The following SLC4A1AP variants were observed in gnomAD, a reference collection of about 807,000 sequenced individuals.
SLC4A1AP encodes the protein solute carrier family 4 member 1 adaptor protein.
SLC4A1AP carries 64 observed loss-of-function variants against 89.7 expected under a neutral mutation model. The observed-to-expected ratio is 0.71, with a 90% CI of 0.58 to 0.88. The LOEUF is 0.88. Among genes scored for constraint, SLC4A1AP ranks in the 40% least tolerant of loss-of-function variants. The pLI is 0.00. For missense variants in SLC4A1AP, 931 were observed against 965.0 expected, an observed-to-expected ratio of 0.96 and a Z score of 0.47; for synonymous variants, 366 against 353.3, an observed-to-expected ratio of 1.04 and a Z score of -0.40.
At chr2:27,675,260 C>T (rs1305188068) in intron 5 of SLC4A1AP, among the ~76,000 whole-genome samples, 1 of 152,202 alleles carries the variant, frequency 6.6e-6, no homozygotes, top group Non-Finnish European at 1.5e-5. Context: ...TTCCCAGCCT[C>T]TGGCAACCAC....
intron 10 of SLC4A1AP, among the ~76,000 whole-genome samples, chr2:27,686,291 C>T (rs953672309): frequency 1.3e-5 from 2 of 152,152 alleles, no homozygotes; most frequent in Non-Finnish European, 1.5e-5. Context: ...CTGCATTTGT[C>T]CTTTTCAAAA....
At chr2:27,666,071 A>G (rs2148129911) in intron 2 of SLC4A1AP, among the ~76,000 whole-genome samples, 1 of 152,310 alleles carries the variant, frequency 6.6e-6, no homozygotes, top group East Asian at 1.9e-4. Flanking sequence ...CAAAATACAC[A>G]CTGAATTTCA....
exon 2 of SLC4A1AP, chr2:27,665,154 G>A: frequency 6.2e-7 from 1 of 1,613,896 alleles, no homozygotes; most frequent in Non-Finnish European, 8.5e-7. Flanking sequence ...ACAGTTGAAG[G>A]AATTGCGCAA....
intron 3 of SLC4A1AP, chr2:27,668,489 G>T: frequency 4.8e-6 from 2 of 415,036 alleles, no homozygotes; most frequent in South Asian, 1.9e-5. Context: ...TCACTCTGTC[G>T]CCCAGGCCGG....
chr2:27,691,765 C>G (rs1016499204), intron 12 of SLC4A1AP: 2 of 151,822 alleles, frequency 1.3e-5, no homozygotes, highest in African/African-American at 4.8e-5. Flanking sequence ...AATTTTTGTA[C>G]TTTTGTTAGA....
At chr2:27,679,876 G>T (rs1572993692) in intron 8 of SLC4A1AP, among the ~76,000 whole-genome samples, 1 of 152,312 alleles carries the variant, frequency 6.6e-6, no homozygotes, top group African/African-American at 2.4e-5. Flanking sequence ...GATTTATTAA[G>T]AGAGTGCTCT....
At chr2:27,669,712 A>G (rs868531949) in intron 5 of SLC4A1AP, among the ~76,000 whole-genome samples, 2 of 152,108 alleles carry the variant, frequency 1.3e-5, no homozygotes, top group African/African-American at 4.8e-5. Context: ...TATTTTTGAG[A>G]TGGAGTCTCA....
chr2:27,677,455 C>A, intron 7 of SLC4A1AP, 91 bp downstream of exon 7: 1 of 866,904 alleles, frequency 1.2e-6, no homozygotes. Flanking sequence ...AAATACCATA[C>A]AGAATATGGA....
chr2:27,694,672 T>A, exon 14 of SLC4A1AP: 1 of 1,581,772 alleles, frequency 6.3e-7, no homozygotes, highest in Non-Finnish European at 8.6e-7. Flanking sequence ...TAATGACAAG[T>A]ATGGCTATTG....
chr2:27,663,945 C>G (rs781036504), exon 1 of SLC4A1AP: 1 of 1,614,200 alleles, frequency 6.2e-7, no homozygotes, highest in Non-Finnish European at 8.5e-7. Flanking sequence ...GTCAGAGACC[C>G]TGGCGTCGCA....
intron 7 of SLC4A1AP, 46 bp downstream of exon 7, chr2:27,677,410 C>A: frequency 2.3e-6 from 3 of 1,278,444 alleles, no homozygotes; most frequent in Non-Finnish European, 3.4e-6. Flanking sequence ...ATATAGTGCT[C>A]TATGCTAGGC....
intron 7 of SLC4A1AP, 56 bp downstream of exon 7, chr2:27,677,420 C>A: frequency 1.7e-6 from 2 of 1,175,904 alleles, no homozygotes; most frequent in Non-Finnish European, 2.5e-6. Context: ...CTATGCTAGG[C>A]ACTGGGGCTA....
At chr2:27,674,858 C>G (rs1675491751) in intron 5 of SLC4A1AP, among the ~76,000 whole-genome samples, 1 of 151,650 alleles carries the variant, frequency 6.6e-6, no homozygotes, top group Admixed American at 6.6e-5. Context: ...ATTACAGGCA[C>G]CCGCCACTAT....
intron 1 of SLC4A1AP, 38 bp from the exon 2 acceptor site, chr2:27,665,062 T>C (rs1303207167): frequency 6.5e-7 from 1 of 1,542,338 alleles, no homozygotes; most frequent in East Asian, 2.3e-5. Flanking sequence ...ACCCTGTCTC[T>C]AAATAAATAA....
At chr2:27,664,568 T>C in exon 1 of SLC4A1AP, 2 of 1,608,326 alleles carry the variant, frequency 1.2e-6, no homozygotes, top group Middle Eastern at 1.7e-4. Flanking sequence ...CCCGGCTCTT[T>C]ATCCTGCAGG....
intron 2 of SLC4A1AP, 43 bp downstream of exon 2, chr2:27,665,338 C>A: frequency 3.3e-6 from 5 of 1,499,280 alleles, no homozygotes; most frequent in South Asian, 2.5e-5. Context: ...ATTTTAAGTT[C>A]ATTACAAGTG....
At chr2:27,680,286 A>G (rs1485307000) in intron 8 of SLC4A1AP, among the ~76,000 whole-genome samples, 1 of 152,124 alleles carries the variant, frequency 6.6e-6, no homozygotes, top group Non-Finnish European at 1.5e-5. Context: ...TTCACAGTAT[A>G]TGTGCTTTAT....
intron 8 of SLC4A1AP, among the ~76,000 whole-genome samples, chr2:27,679,519 G>A (rs995469687): frequency 2.6e-5 from 4 of 152,104 alleles, no homozygotes; most frequent in Admixed American, 6.5e-5. Context: ...GGAGAATGGC[G>A]TGAACCAGGA....
intron 12 of SLC4A1AP, among the ~76,000 whole-genome samples, chr2:27,689,653 C>T (rs1558510683): frequency 6.6e-6 from 1 of 152,184 alleles, no homozygotes; most frequent in Non-Finnish European, 1.5e-5. Context: ...TAGGCATTCC[C>T]TGCCTGGCAT....
Sources: allele counts gnomAD v4.1 joint callset (sites outside exome capture counted in the v4.1 genomes callset), GRCh38; gene constraint gnomAD v4.1.1; transcripts MANE v1.5; gene names NCBI Gene and HGNC (gene_info 2026-07-23, HGNC 2026-07-21).